APP: variants seen among roughly 807,000 people sequenced by gnomAD.
The protein encoded by APP is amyloid-beta precursor protein.
In APP, 31 loss-of-function variants were observed where a neutral mutation model predicts 101.4. The observed-to-expected ratio is 0.31, with a 90% CI of 0.23 to 0.41. The LOEUF is 0.41. Ranked by LOEUF, APP falls within the 10% of genes least tolerant of loss-of-function variation. APP has a pLI of 1.00. For synonymous variants in APP, 366 were observed against 364.4 expected (o/e 1.00, Z -0.05); for missense variants, 839 against 1,003.7 (o/e 0.84, Z 2.22).
intron 13 of APP, among the ~76,000 whole-genome samples, chr21:25,953,504 C>T (rs2041184506): frequency 6.6e-6 from 1 of 152,184 alleles, no homozygotes; most frequent in Non-Finnish European, 1.5e-5. Context: ...ATCCTGGGTG[C>T]TCTGATTCCA....
chr21:26,146,250 C>G (rs2063152362), intron 1 of APP, among the ~76,000 whole-genome samples: 1 of 152,176 alleles, frequency 6.6e-6, no homozygotes, highest in South Asian at 2.1e-4. Flanking sequence ...GCAGGAGAAT[C>G]ACTTGAACCT....
intron 14 of APP, among the ~76,000 whole-genome samples, chr21:25,909,328 T>C (rs1276509034): frequency 6.7e-6 from 1 of 148,416 alleles, no homozygotes; most frequent in Admixed American, 6.7e-5. Context: ...CTATAATCAA[T>C]ATATATATGT....
chr21:26,104,081 A>T (rs2062124740), intron 2 of APP, among the ~76,000 whole-genome samples: 1 of 152,072 alleles, frequency 6.6e-6, no homozygotes, highest in African/African-American at 2.4e-5. Flanking sequence ...TCCTTATGTG[A>T]CTTCTTCGTT....
intron 2 of APP, among the ~76,000 whole-genome samples, chr21:26,100,433 T>C (rs979469774): frequency 3.3e-5 from 5 of 152,332 alleles, no homozygotes; most frequent in Middle Eastern, 3.4e-3. Flanking sequence ...AGGGTGCCCA[T>C]AGCAAAGTAA....
At chr21:25,923,001 G>A (rs1197690672) in intron 13 of APP, among the ~76,000 whole-genome samples, 23 of 140,392 alleles carry the variant, frequency 1.6e-4, no homozygotes, top group South Asian at 7.1e-4. Context: ...TACAGTAACC[G>A]AAACAGCATG....
Position 26,114,944 on chromosome 21 carries a change from A to G in APP, c.58-2798T>C, listed in dbSNP as rs529405885. 3.9e-5 allele frequency among the ~76,000 whole-genome samples: 6 copies of G among 152,274 alleles called. No homozygotes were observed. In the South Asian group the frequency reaches 6.2e-4, roughly 16 times the overall value. On this transcript the variant is annotated intron_variant, in intron 1 of 17. Transcript: ENST00000346798. ...CATATGTGTGTATGTTGACTACCAA[A>G]AAGTGGTAATTTTTAAAACATTTTT...
chr21:26,001,260 A>G (rs1051136118), intron 6 of APP, among the ~76,000 whole-genome samples: 1 of 152,190 alleles, frequency 6.6e-6, no homozygotes, highest in Admixed American at 6.5e-5. Context: ...TCAATCAGTG[A>G]CCCATCCAAT....
At chr21:25,885,944 C>A (rs138629383) in intron 17 of APP, among the ~76,000 whole-genome samples, 7 of 152,148 alleles carry the variant, frequency 4.6e-5, no homozygotes, top group Middle Eastern at 3.4e-3. Context: ...TATTTACATG[C>A]GGGTGTGTGA....
chr21:25,964,259 T>C (rs565264193), intron 11 of APP, among the ~76,000 whole-genome samples: 2 of 152,290 alleles, frequency 1.3e-5, no homozygotes, highest in South Asian at 4.1e-4. Context: ...CACTTCCTCA[T>C]AGGGATGTGT....
At chr21:25,951,693 A>C (rs2041083255) in intron 13 of APP, among the ~76,000 whole-genome samples, 1 of 152,218 alleles carries the variant, frequency 6.6e-6, no homozygotes, top group South Asian at 2.1e-4. Context: ...CTGGAAAAAA[A>C]ATCTATGAAG....
intron 11 of APP, among the ~76,000 whole-genome samples, chr21:25,967,326 C>A (rs2041833779): frequency 6.6e-6 from 1 of 152,114 alleles, no homozygotes; most frequent in Non-Finnish European, 1.5e-5. Flanking sequence ...CCAAACAACA[C>A]AACTGGGATA....
chr21:26,140,407 C>A, intron 1 of APP: 2 of 1,394,442 alleles, frequency 1.4e-6, no homozygotes, highest in Non-Finnish European at 1.9e-6. Flanking sequence ...GGATCACACG[C>A]ACACTGCGCC....
intron 8 of APP, among the ~76,000 whole-genome samples, chr21:25,996,035 G>A (rs1374793445): frequency 2.6e-5 from 4 of 151,520 alleles, no homozygotes; most frequent in Non-Finnish European, 4.4e-5. Flanking sequence ...GCAATCATAA[G>A]CATAAATGGC....
intron 14 of APP, among the ~76,000 whole-genome samples, chr21:25,907,473 AC>A (rs1454028755): frequency 6.6e-6 from 1 of 152,258 alleles, no homozygotes; most frequent in Non-Finnish European, 1.5e-5. Context: ...CCAGACAGTA[AC>A]TTCATCAATG....
intron 7 of APP, among the ~76,000 whole-genome samples, chr21:25,997,876 TC>T (rs2043117155): frequency 6.6e-6 from 1 of 152,104 alleles, no homozygotes; most frequent in Non-Finnish European, 1.5e-5. Flanking sequence ...CTGTCACCTT[TC>T]CCCTCTAAAA....
intron 11 of APP, among the ~76,000 whole-genome samples, chr21:25,969,240 T>C (rs1601063373): frequency 6.8e-6 from 1 of 147,096 alleles, no homozygotes; most frequent in Non-Finnish European, 1.5e-5. Context: ...CCCAGCTACT[T>C]GAGAGGCTGA....
At chr21:26,165,348 C>CA (rs1234520184) in intron 1 of APP, among the ~76,000 whole-genome samples, 1 of 152,202 alleles carries the variant, frequency 6.6e-6, no homozygotes, top group Non-Finnish European at 1.5e-5. Flanking sequence ...AAGCATTTAA[C>CA]AAAGATATTA....
chr21:25,927,462 C>T (rs977503103), intron 13 of APP, among the ~76,000 whole-genome samples: 2 of 152,176 alleles, frequency 1.3e-5, no homozygotes, highest in African/African-American at 2.4e-5. Context: ...AATTTATACA[C>T]ATATTATCAC....
At chr21:26,073,443 G>C (rs899410581) in intron 3 of APP, among the ~76,000 whole-genome samples, 5 of 152,010 alleles carry the variant, frequency 3.3e-5, no homozygotes, top group Admixed American at 3.3e-4. Context: ...TGATAGCAAA[G>C]AGCTCATTCC....
Sources: gnomAD v4.1 joint callset for allele counts (sites outside exome capture counted in the v4.1 genomes callset) on GRCh38, gnomAD v4.1.1 for gene constraint, MANE v1.5 for transcripts, NCBI Gene and HGNC (gene_info 2026-07-23, HGNC 2026-07-21) for gene names.